SARM1: variants seen among roughly 807,000 people sequenced by gnomAD.
SARM1 encodes NAD(+) hydrolase SARM1.
SARM1 carries 60 observed loss-of-function variants against 65.1 expected under a neutral mutation model. The ratio of observed to expected loss-of-function variants is 0.92; its 90% CI spans 0.75 to 1.14. The LOEUF is 1.14. Among genes scored for constraint, SARM1 ranks in the 50% most tolerant of loss-of-function variants. The pLI is 0.00. For missense variants in SARM1, 913 were observed against 1,015.7 expected, an observed-to-expected ratio of 0.90 and a Z score of 1.37; for synonymous variants, 417 against 465.4, an observed-to-expected ratio of 0.90 and a Z score of 1.34.
chr17:28,382,944 G>A (rs1321499214), intron 2 of SARM1, among the ~76,000 whole-genome samples: 1 of 152,204 alleles, frequency 6.6e-6, no homozygotes, highest in Non-Finnish European at 1.5e-5. Flanking sequence ...TTGGAGGTTG[G>A]TGATAGCTGG....
At chr17:28,380,423 A>G (rs2068015931) in intron 1 of SARM1, among the ~76,000 whole-genome samples, 1 of 152,100 alleles carries the variant, frequency 6.6e-6, no homozygotes, top group African/African-American at 2.4e-5. Flanking sequence ...CCCCTCCTCC[A>G]GGCACACGCC....
At chr17:28,394,497 G>GCAATT (rs1242566481) in intron 7 of SARM1, among the ~76,000 whole-genome samples, 3 of 152,186 alleles carry the variant, frequency 2.0e-5, no homozygotes, top group Non-Finnish European at 4.4e-5. Flanking sequence ...TGGGTATCCC[G>GCAATT]CAATTCAATT....
chr17:28,372,510 C>T lies in SARM1; in HGVS notation c.470+8C>T, dbSNP rs1555584224. Reference sequence around the variant, plus strand: ...CCTGGTGGCTGAGAACCGGTGAGCGCGCCAGGCCGGGGTTGGGAGAGCGCC... The same window carrying T: ...CCTGGTGGCTGAGAACCGGTGAGCGTGCCAGGCCGGGGTTGGGAGAGCGCC... On this transcript the variant is annotated splice_region_variant and intron_variant, in intron 1 of 8. Coordinates refer to ENST00000585482, the MANE Select transcript of SARM1 (RefSeq NM_015077.4). The surrounding 1 kb of genome is among the most constrained non-coding windows in gnomAD (Gnocchi z 5.2). The T allele has an allele frequency of 1.3e-6, 2 of 1,522,632 alleles. No homozygotes were observed. Among genetic ancestry groups the T allele is most frequent in the South Asian group, 1.2e-5 (1 of 83,262 alleles). 94.3% of individuals were successfully genotyped at this position (1,522,632 alleles called of 1,614,324 possible). A position where few individuals can be genotyped will look rare whatever the true frequency, so the allele number is the denominator to read the frequency against.
At chr17:28,376,530 G>A (rs779146296) in intron 1 of SARM1, among the ~76,000 whole-genome samples, 5 of 151,816 alleles carry the variant, frequency 3.3e-5, no homozygotes, top group African/African-American at 4.8e-5. Flanking sequence ...CTGAGATTGC[G>A]CCACTGCACT....
rs781970479 is a variant in SARM1 at position 28,388,087 on chromosome 17, G to A, written c.1631-87G>A. 7 of 1,060,806 alleles carry A rather than the reference G, an allele frequency of 6.6e-6. No homozygotes were observed. In the African/African-American group the frequency reaches 1.1e-4, roughly 17 times the overall value. The allele number at this position is 1,060,806 out of a possible 1,614,324, so 65.7% of individuals were successfully genotyped here. ...CTGGGCTGAGAGGGCTTGGTGGACT[G>A]GGGACTAAGTCCACAAGGGATGATA... On this transcript the variant is annotated intron_variant, in intron 5 of 8. Transcript: ENST00000585482.
intron 5 of SARM1, among the ~76,000 whole-genome samples, chr17:28,387,787 G>A (rs1555586242): frequency 6.6e-6 from 1 of 152,208 alleles, no homozygotes; most frequent in African/African-American, 2.4e-5. Context: ...AATTAAATGG[G>A]AGGCAGGAGT....
intron 1 of SARM1, among the ~76,000 whole-genome samples, chr17:28,380,634 G>A (rs1018434236): frequency 1.3e-5 from 2 of 152,190 alleles, no homozygotes; most frequent in African/African-American, 4.8e-5. Context: ...GATATGCCCC[G>A]GTCATGGGCC....
chr17:28,396,547 T>C lies in SARM1; in HGVS notation c.*261T>C. The C allele has an allele frequency of 1.9e-6, 1 of 524,870 alleles. No homozygotes were observed. 32.5% of individuals were successfully genotyped at this position (524,870 alleles called of 1,614,324 possible). ...GCCATTGGGTTGTCTGTCTCCGTCA[T>C]GGGGAGGGTCCCTGCTCAGTTCTGG... On this transcript the variant is annotated 3_prime_UTR_variant, in exon 9 of 9. Transcript: ENST00000585482.
chr17:28,379,607 G>T (rs1160486564), intron 1 of SARM1, among the ~76,000 whole-genome samples: 1 of 152,138 alleles, frequency 6.6e-6, no homozygotes, highest in Non-Finnish European at 1.5e-5. Flanking sequence ...ACCGCACCCG[G>T]CCTAGATCAT....
chr17:28,374,970 C>CAAAAAAAAAAAAAAAAAAAAAA (rs35032822), intron 1 of SARM1, among the ~76,000 whole-genome samples: 1 of 70,432 alleles, frequency 1.4e-5, no homozygotes. Context: ...CAGACCTTGT[C>CAAAAAAAAAAAAAAAAAAAAAA]AAAAAAAAAA....
intron 7 of SARM1, among the ~76,000 whole-genome samples, chr17:28,391,485 T>G (rs2068079262): frequency 6.6e-6 from 1 of 151,910 alleles, no homozygotes; most frequent in Non-Finnish European, 1.5e-5. Context: ...AGAGGCCATG[T>G]AGGAGGGGCT....
intron 1 of SARM1, among the ~76,000 whole-genome samples, chr17:28,378,848 G>C (rs1385669309): frequency 6.6e-6 from 1 of 151,982 alleles, no homozygotes; most frequent in Non-Finnish European, 1.5e-5. Context: ...GTAGAGACAG[G>C]GTTTTGCTAT....
chr17:28,375,089 C>T (rs2142423180), intron 1 of SARM1, among the ~76,000 whole-genome samples: 1 of 151,878 alleles, frequency 6.6e-6, no homozygotes, highest in South Asian at 2.1e-4. Context: ...GAGCCTAGGT[C>T]ACAGTTTTCC....
rs536664581 is a variant in SARM1 at position 28,378,024 on chromosome 17, G to T, written c.471-3179G>T. Among the ~76,000 whole-genome samples the T allele has an allele frequency of 6.6e-5, 10 of 152,292 alleles. No individual in the cohort carries two copies. In the East Asian group the frequency reaches 1.9e-3, roughly 29 times the overall value. Reference sequence around the variant, plus strand: ...TCTGTGGAAGACATCATTTGTGGAGGTCAGTAAGGCAGGAAGCCTGAACCT... The same window carrying T: ...TCTGTGGAAGACATCATTTGTGGAGTTCAGTAAGGCAGGAAGCCTGAACCT... On this transcript the variant is annotated intron_variant, in intron 1 of 8. Coordinates refer to ENST00000585482, the MANE Select transcript of SARM1 (RefSeq NM_015077.4).
Position 28,381,761 on chromosome 17 carries a change from C to A in SARM1, c.1029C>A (p.Cys343Ter). The change falls in exon 2 of 9, where the codon TGC becomes TGA. Residue 343 changes from cysteine to a stop codon, truncating the protein, a stop_gained. Coordinates refer to ENST00000585482, the MANE Select transcript of SARM1 (RefSeq NM_015077.4). LOFTEE classifies it high-confidence loss of function. ...LLDSNRLEAQCIGAFYLCAEA... is the reference protein window; with the variant it reads ...LLDSNRLEAQ ...ACTCTAACCGCTTGGAGGCGCAGTGCATCGGGGCTTTCTACCTCTGCGCCG... is the reference window on the plus strand; with the variant it reads ...ACTCTAACCGCTTGGAGGCGCAGTGAATCGGGGCTTTCTACCTCTGCGCCG... 1 of 1,488,406 alleles carries A rather than the reference C, an allele frequency of 6.7e-7. No homozygotes were observed. 92.2% of individuals were successfully genotyped at this position (1,488,406 alleles called of 1,614,324 possible). A position where few individuals can be genotyped will look rare whatever the true frequency, so the allele number is the denominator to read the frequency against.
rs1261842721 is a variant in SARM1, at chr17:28,396,979, G to A, written c.*693G>A. 1 of 152,432 alleles carries A rather than the reference G, an allele frequency of 6.6e-6. No homozygotes were observed. Among genetic ancestry groups the A allele is most frequent in the African/African-American group, 2.4e-5 (1 of 41,462 alleles). The allele number at this position is 152,432 out of a possible 1,614,324, so 9.4% of individuals were successfully genotyped here. On this transcript the variant is annotated 3_prime_UTR_variant, in exon 9 of 9. Transcript: ENST00000585482. ...TGCAGCCAGCTTTGCTGCACTTGCT[G>A]GTGCACAGGAGCCTCCTGTTTGGGC...
Position 28,402,441 on chromosome 17 carries a change from T to C in SARM1, c.*6155T>C. The stretch of plus-strand genomic sequence containing the variant: ...GCTTAGGTTAGACCCAGGAAGAACT[T>C]CCTTGATGGTGAGGGTGGGAAGACA... On this transcript the variant is annotated 3_prime_UTR_variant, in exon 9 of 9. Coordinates refer to ENST00000585482, the MANE Select transcript of SARM1 (RefSeq NM_015077.4). 1.3e-6 allele frequency: 1 copy of C among 772,334 alleles called. No homozygotes were observed. Among genetic ancestry groups the C allele is most frequent in the Admixed American group, 2.2e-5 (1 of 44,726 alleles). 47.8% of individuals were successfully genotyped at this position (772,334 alleles called of 1,614,324 possible). A position where few individuals can be genotyped will look rare whatever the true frequency, so the allele number is the denominator to read the frequency against.
intron 1 of SARM1, among the ~76,000 whole-genome samples, chr17:28,376,843 C>T (rs2067993079): frequency 8.9e-5 from 1 of 11,292 alleles, no homozygotes; most frequent in African/African-American, 4.7e-4. Flanking sequence ...GGCTGGAGTG[C>T]AGTGGCACGA....
intron 7 of SARM1, among the ~76,000 whole-genome samples, chr17:28,391,055 G>A (rs2142436502): frequency 6.6e-6 from 1 of 152,294 alleles, no homozygotes; most frequent in South Asian, 2.1e-4. Context: ...AGCTCTGAGG[G>A]GGTGTGAGGG....
Sources: gnomAD v4.1 joint callset for allele counts (sites outside exome capture counted in the v4.1 genomes callset) on GRCh38, gnomAD v4.1.1 for gene constraint, Gnocchi (gnomAD v3.1) non-coding constraint, MANE v1.5 for transcripts, NCBI Gene and HGNC (gene_info 2026-07-23, HGNC 2026-07-21) for gene names.